The following SHROOM4 variants were observed in gnomAD, a reference collection of about 807,000 sequenced individuals.
The protein encoded by SHROOM4 is protein Shroom4.
SHROOM4 carries 17 observed loss-of-function variants against 80.3 expected under a neutral mutation model. The ratio of observed to expected loss-of-function variants is 0.21; its 90% CI spans 0.14 to 0.32. SHROOM4 has a LOEUF of 0.32. Among genes scored for constraint, SHROOM4 ranks in the 10% least tolerant of loss-of-function variants. The pLI is 1.00. For missense variants in SHROOM4, 993 were observed against 1,140.3 expected (o/e 0.87, Z 1.86); for synonymous variants, 400 against 437.5 (o/e 0.91, Z 1.07).
chrX:50,582,755 C>T (rs1557244392), downstream of SHROOM4, among the ~76,000 whole-genome samples: 1 of 111,409 alleles, frequency 9.0e-6, no homozygotes, highest in Non-Finnish European at 1.9e-5. Context: ...ATGCTAACAC[C>T]TCAACCAAGT....
At chrX:50,805,371 C>T (rs1002277488) in intron 1 of SHROOM4, among the ~76,000 whole-genome samples, 1 of 111,848 alleles carries the variant, frequency 8.9e-6, no homozygotes, top group Non-Finnish European at 1.9e-5. Context: ...GAGAGAAGAT[C>T]ATACAGCTAG....
In SHROOM4 at chrX:50,593,765, A is replaced by G. The variant is rs1421552248; in HGVS notation, c.*2930T>C. ...TTATGGCACATGAGGTTAAATGGAA[A>G]ACAGAACCTGAACCTAACCTTGAAG... On this transcript the variant is annotated 3_prime_UTR_variant, in exon 9 of 9. Transcript: ENST00000376020. 8.9e-6 allele frequency: 1 copy of G among 111,954 alleles called. No homozygotes were observed. The highest frequency in any genetic ancestry group is 9.4e-5 in the Admixed American group (1 of 10,601). The allele number at this position is 111,954 out of a possible 1,213,427, so 9.2% of individuals were successfully genotyped here.
chrX:50,811,290 G>T (rs1448119902), intron 1 of SHROOM4, among the ~76,000 whole-genome samples: 2 of 110,471 alleles, frequency 1.8e-5, no homozygotes, highest in African/African-American at 3.3e-5. Flanking sequence ...CTGAGCAACA[G>T]AGTGAGACCC....
intron 1 of SHROOM4, among the ~76,000 whole-genome samples, chrX:50,732,038 G>A (rs1557266357): frequency 3.6e-5 from 4 of 111,751 alleles, no homozygotes; most frequent in Non-Finnish European, 7.5e-5. Context: ...ACTATTTCCT[G>A]AAAAGAGCCA....
At chrX:50,785,336 G>A (rs1935717685) in intron 1 of SHROOM4, among the ~76,000 whole-genome samples, 1 of 110,532 alleles carries the variant, frequency 9.0e-6, no homozygotes, top group Admixed American at 9.6e-5. Flanking sequence ...AGACTTATAT[G>A]TGACTGTTCA....
At chrX:50,774,736 T>C (rs1390369438) in intron 1 of SHROOM4, among the ~76,000 whole-genome samples, 5 of 109,071 alleles carry the variant, frequency 4.6e-5, no homozygotes, top group Non-Finnish European at 7.6e-5. Context: ...TGTTTACATA[T>C]ATGTTCATCG....
rs782642919 is a variant in SHROOM4, at chrX:50,637,765, G to A, written c.404+409C>T. Among the ~76,000 whole-genome samples, 5 of 112,158 alleles carry A rather than the reference G, an allele frequency of 4.5e-5. No homozygotes were observed. The South Asian group carries it at 1.9e-3, about 43-fold the overall frequency. Reference sequence around the variant, plus strand: ...TGAAGGCTTTGGCTATGTGACAGAGGTAATAAAGACCAGATAAGGGCACCA... The same window carrying A: ...TGAAGGCTTTGGCTATGTGACAGAGATAATAAAGACCAGATAAGGGCACCA... On this transcript the variant is annotated intron_variant, in intron 3 of 8. Transcript: ENST00000376020.
chrX:50,728,797 G>A (rs782753317), intron 1 of SHROOM4, among the ~76,000 whole-genome samples: 6 of 111,993 alleles, frequency 5.4e-5, no homozygotes, highest in Non-Finnish European at 1.1e-4. Flanking sequence ...AAAGTAAAGA[G>A]TCTAACTGAC....
chrX:50,608,555 T>C (rs1241951861), intron 5 of SHROOM4, among the ~76,000 whole-genome samples: 1 of 111,779 alleles, frequency 8.9e-6, no homozygotes, highest in Non-Finnish European at 1.9e-5. Context: ...TTGAACAGTT[T>C]AGCTCCAAAG....
rs5915275 is a variant in SHROOM4 at position 50,590,111 on chromosome X, C to A, written c.*6584G>T. ...AATGTTTGTGTCCTCTCCAAACTCA[C>A]ATGCTGAAGCCCTAATCCCCAATGT... On this transcript the variant is annotated 3_prime_UTR_variant, in exon 9 of 9. Transcript: ENST00000376020. Among the ~76,000 whole-genome samples the A allele has an allele frequency of 9.1e-6, 1 of 110,306 alleles. No individual in the cohort carries two copies. The highest frequency in any genetic ancestry group is 1.9e-5 in the Non-Finnish European group (1 of 52,788).
At chrX:50,710,878 C>T (rs1557264340) in intron 1 of SHROOM4, among the ~76,000 whole-genome samples, 1 of 110,726 alleles carries the variant, frequency 9.0e-6, no homozygotes, top group Non-Finnish European at 1.9e-5. Flanking sequence ...CAGGCACACA[C>T]ACTCCTCTGA....
intron 5 of SHROOM4, among the ~76,000 whole-genome samples, chrX:50,613,172 T>G (rs1930073036): frequency 9.0e-6 from 1 of 111,151 alleles, no homozygotes; most frequent in African/African-American, 3.3e-5. Flanking sequence ...TAGGCTGGAG[T>G]GCATGATCTC....
At chrX:50,813,040 T>C (rs965835577) in intron 1 of SHROOM4, among the ~76,000 whole-genome samples, 5 of 111,141 alleles carry the variant, frequency 4.5e-5, no homozygotes, top group Middle Eastern at 9.3e-3. Flanking sequence ...GAGGCTCGCT[T>C]TGGGGGTTCT....
intron 5 of SHROOM4, among the ~76,000 whole-genome samples, chrX:50,616,466 T>C (rs1484194150): frequency 8.9e-6 from 1 of 111,874 alleles, no homozygotes; most frequent in East Asian, 2.8e-4. Flanking sequence ...ATGAGGACAT[T>C]AGCACATATA....
At position 50,637,060 on chromosome X, in the gene SHROOM4, C is replaced by A. The variant is rs1047447293; in HGVS notation, c.404+1114G>T. The stretch of plus-strand genomic sequence containing the variant: ...ATATAGGGGCCTCTGCCCACCCACG[C>A]CTCCCCCAACTCCCACAGCAAAGCC... On this transcript the variant is annotated intron_variant, in intron 3 of 8. Coordinates refer to ENST00000376020, the MANE Select transcript of SHROOM4 (RefSeq NM_020717.5). Among the ~76,000 whole-genome samples, 3 of 111,459 alleles carry A rather than the reference C, an allele frequency of 2.7e-5. No individual in the cohort carries two copies. The East Asian group carries it at 8.5e-4, about 31-fold the overall frequency.
chrX:50,755,633 C>T (rs1935024456), intron 1 of SHROOM4, among the ~76,000 whole-genome samples: 2 of 112,100 alleles, frequency 1.8e-5, no homozygotes, highest in South Asian at 3.7e-4. Flanking sequence ...TTATTTGCCA[C>T]TTTTCATCAA....
At chrX:50,606,793 A>G (rs1393765612) in intron 6 of SHROOM4, among the ~76,000 whole-genome samples, 1 of 110,453 alleles carries the variant, frequency 9.1e-6, no homozygotes, top group Non-Finnish European at 1.9e-5. Context: ...AGAAAGTGGA[A>G]GAGAAAAAGA....
intron 1 of SHROOM4, among the ~76,000 whole-genome samples, chrX:50,786,030 T>A (rs1456628182): frequency 9.0e-6 from 1 of 110,939 alleles, no homozygotes; most frequent in Non-Finnish European, 1.9e-5. Flanking sequence ...TTTTGAAAAA[T>A]CCAGAAACTA....
chrX:50,799,830 T>C (rs1448829512), intron 1 of SHROOM4, among the ~76,000 whole-genome samples: 2 of 111,991 alleles, frequency 1.8e-5, no homozygotes, highest in African/African-American at 6.5e-5. Flanking sequence ...GTGGGATGGC[T>C]GTTGTTTTAA....
Sources: allele counts gnomAD v4.1 joint callset (sites outside exome capture counted in the v4.1 genomes callset), GRCh38; gene constraint gnomAD v4.1.1; transcripts MANE v1.5; gene names NCBI Gene and HGNC (gene_info 2026-07-23, HGNC 2026-07-21).